The following FRG1 variants were observed in gnomAD, a reference collection of about 807,000 sequenced individuals.
The protein encoded by FRG1 is FSHD region gene 1, also known as protein FRG1.
In FRG1, 19 loss-of-function variants were observed where a neutral mutation model predicts 37.0. The ratio of observed to expected loss-of-function variants is 0.51; its 90% CI spans 0.36 to 0.75. The LOEUF (loss-of-function observed/expected upper bound fraction) is 0.75, where lower values mean the gene tolerates loss of function less well. FRG1 is among the 30% of genes least tolerant of loss of function. The pLI is 0.00. For synonymous variants in FRG1, 73 were observed against 96.5 expected (o/e 0.76, Z 1.43); for missense variants, 243 against 301.4 (o/e 0.81, Z 1.44).
intron 4 of FRG1, among the ~76,000 whole-genome samples, 177 bp downstream of exon 4, chr4:189,953,302 A>C (rs1399079520): frequency 1.6e-5 from 2 of 128,628 alleles, no homozygotes; most frequent in African/African-American, 7.8e-5. Context: ...ATCAATATAT[A>C]ATGCTAGGCT....
At chr4:189,941,942 C>T (rs1449602152) in intron 1 of FRG1, 3 of 385,810 alleles carry the variant, frequency 7.8e-6, no homozygotes, top group Non-Finnish European at 1.6e-5. Context: ...TGAGTTGAAG[C>T]CACTGGCCTT....
At chr4:189,962,601 A>C (rs1737284414) in intron 8 of FRG1, among the ~76,000 whole-genome samples, 1 of 152,128 alleles carries the variant, frequency 6.6e-6, no homozygotes, top group South Asian at 2.1e-4. Flanking sequence ...TTAATTACGT[A>C]TTTCCTGTTA....
At chr4:189,941,194 C>T (rs1401210231) in intron 1 of FRG1, 123 bp downstream of exon 1, 1 of 884,092 alleles carries the variant, frequency 1.1e-6, no homozygotes, top group African/African-American at 1.7e-5. Flanking sequence ...TTCGCCCTGG[C>T]CCCTGTCCGG....
At chr4:189,959,847 C>G (rs1737155127) in intron 6 of FRG1, 17 of 972,764 alleles carry the variant, frequency 1.7e-5, no homozygotes, top group Non-Finnish European at 2.1e-5. Context: ...TAATTGCAGG[C>G]TCTCCTAATC....
intron 5 of FRG1, among the ~76,000 whole-genome samples, chr4:189,956,223 C>G (rs185885004): frequency 6.6e-6 from 1 of 152,036 alleles, no homozygotes; most frequent in African/African-American, 2.4e-5. Context: ...TTCCTTCCCC[C>G]GCCCCCCATA....
At chr4:189,950,771 A>T (rs1306541873) in intron 2 of FRG1, among the ~76,000 whole-genome samples, 1 of 152,160 alleles carries the variant, frequency 6.6e-6, no homozygotes, top group Non-Finnish European at 1.5e-5. Context: ...TATTTTGCCA[A>T]TCTCATTTCA....
chr4:189,954,519 A>T (rs1365661709), intron 4 of FRG1, among the ~76,000 whole-genome samples: 4 of 152,180 alleles, frequency 2.6e-5, no homozygotes, highest in South Asian at 2.1e-4. Context: ...TGTTTATATT[A>T]AAAAAGCACA....
At chr4:189,961,974 A>G (rs1737259636) in intron 8 of FRG1, 42 bp downstream of exon 8, 1 of 998,150 alleles carries the variant, frequency 1.0e-6, no homozygotes, top group South Asian at 1.5e-5. Context: ...TCAGTAGCCA[A>G]TAGAAATGGC....
intron 3 of FRG1, among the ~76,000 whole-genome samples, chr4:189,952,859 T>C (rs1736817310): frequency 6.6e-6 from 1 of 152,258 alleles, no homozygotes; most frequent in Non-Finnish European, 1.5e-5. Flanking sequence ...TATCACCCTG[T>C]CTTACTCAGT....
chr4:189,956,406 A>C (rs1263501749), intron 5 of FRG1, among the ~76,000 whole-genome samples: 5 of 152,212 alleles, frequency 3.3e-5, no homozygotes, highest in Non-Finnish European at 5.9e-5. Flanking sequence ...ATAATACAAC[A>C]CTTTAGGAAA....
chr4:189,959,734 A>T (rs1458729266), intron 6 of FRG1: 1 of 218,034 alleles, frequency 4.6e-6, no homozygotes, highest in African/African-American at 2.4e-5. Context: ...CACTATTTAA[A>T]GCAATTTTCA....
rs1179955986 is a variant in FRG1 at position 189,941,089 on chromosome 4, G to A, written c.62+18G>A. 3 of 1,610,784 alleles carry A rather than the reference G, an allele frequency of 1.9e-6. No homozygotes were observed. The highest frequency in any genetic ancestry group is 2.5e-6 in the Non-Finnish European group (3 of 1,177,142). ...ACGAAGAGGTGGGTCCTGCAGCTTG[G>A]GCGGGAGCCTCCTCCGTTCTTTTCG... On this transcript the variant is annotated intron_variant, in intron 1 of 8. Transcript: ENST00000226798.
intron 7 of FRG1, chr4:189,961,095 C>T (rs538079247): frequency 2.7e-4 from 105 of 385,812 alleles, no homozygotes; most frequent in African/African-American, 1.2e-3. Context: ...CAAGAAGAGA[C>T]GACACAATGT....
chr4:189,945,313 G>A (rs1736478646), intron 2 of FRG1, among the ~76,000 whole-genome samples: 1 of 152,108 alleles, frequency 6.6e-6, no homozygotes, highest in Non-Finnish European at 1.5e-5. Context: ...CATGAGAATG[G>A]GCATAATTGC....
Position 189,961,857 on chromosome 4 carries a change from A to C in FRG1, c.665A>C (p.Lys222Thr). The change falls in exon 8 of 9, where the codon AAA becomes ACA. Residue 222 changes from lysine to threonine, a missense_variant. Physicochemically the swap from Lys to Thr is moderately conservative, Grantham distance 78. This residue lies in a region of FRG1 where 133 missense variants were observed against 199.3 expected (regional missense o/e 0.67). Transcript: ENST00000226798. ...KFQSFQDHKL[K>T]ISKEDSKILK... The stretch of plus-strand genomic sequence containing the variant: ...CAGAGCTTCCAAGACCACAAACTTA[A>C]AATAAGTAAAGAAGACAGTAAAATT... The C allele has an allele frequency of 1.3e-6, 2 of 1,592,038 alleles. No homozygotes were observed. Among genetic ancestry groups the C allele is most frequent in the Non-Finnish European group, 1.7e-6 (2 of 1,168,824 alleles).
intron 2 of FRG1, among the ~76,000 whole-genome samples, chr4:189,948,666 A>G (rs1389338234): frequency 2.0e-5 from 3 of 152,242 alleles, no homozygotes; most frequent in East Asian, 3.9e-4. Flanking sequence ...CTTATCAGCC[A>G]TGACACTGGT....
chr4:189,940,929 C>A lies in FRG1; in HGVS notation c.-81C>A. The A allele has an allele frequency of 8.9e-7, 1 of 1,119,436 alleles. No individual in the cohort carries two copies. Among genetic ancestry groups the A allele is most frequent in the Non-Finnish European group, 1.3e-6 (1 of 753,072 alleles). The allele number at this position is 1,119,436 out of a possible 1,614,324, so 69.3% of individuals were successfully genotyped here. ...GTTTATTTCGCGTCCGCTTCTGTTT[C>A]TCCGCGCCCCTGTGCTGCCCCGACT... is the stretch of plus-strand genomic sequence containing the variant. On this transcript the variant is annotated 5_prime_UTR_variant, in exon 1 of 9. Transcript: ENST00000226798.
In FRG1 at chr4:189,940,914, C is replaced by A; in HGVS notation, c.-96C>A. The A allele has an allele frequency of 2.2e-6, 2 of 904,064 alleles. No homozygotes were observed. Among genetic ancestry groups the A allele is most frequent in the Non-Finnish European group, 3.5e-6 (2 of 568,600 alleles). 56.0% of individuals were successfully genotyped at this position (904,064 alleles called of 1,614,324 possible). A position where few individuals can be genotyped will look rare whatever the true frequency, so the allele number is the denominator to read the frequency against. On this transcript the variant is annotated 5_prime_UTR_variant, in exon 1 of 9. Coordinates refer to ENST00000226798, the MANE Select transcript of FRG1 (RefSeq NM_004477.3). ...AGGCTGTCAGGGAGTGTTTATTTCGCGTCCGCTTCTGTTTCTCCGCGCCCC... is the reference window on the plus strand; with the variant it reads ...AGGCTGTCAGGGAGTGTTTATTTCGAGTCCGCTTCTGTTTCTCCGCGCCCC...
chr4:189,950,014 T>C (rs1435227752), intron 2 of FRG1, among the ~76,000 whole-genome samples: 1 of 152,204 alleles, frequency 6.6e-6, no homozygotes, highest in Admixed American at 6.5e-5. Flanking sequence ...GCCCAACATT[T>C]GTTTTTCTGG....
Sources: allele counts gnomAD v4.1 joint callset (sites outside exome capture counted in the v4.1 genomes callset), GRCh38; gene constraint gnomAD v4.1.1; regional missense constraint gnomAD v4.1.1; transcripts MANE v1.5; gene names NCBI Gene and HGNC (gene_info 2026-07-23, HGNC 2026-07-21).